Variants in DOCK1 observed in about 807,000 individuals in gnomAD.
The protein encoded by DOCK1 is dedicator of cytokinesis protein 1.
DOCK1 carries 138 observed loss-of-function variants against 262.7 expected under a neutral mutation model. The observed-to-expected ratio is 0.53, with a 90% CI of 0.46 to 0.61. The LOEUF (loss-of-function observed/expected upper bound fraction) is 0.61. Ranked by LOEUF, DOCK1 falls within the 20% of genes least tolerant of loss-of-function variation. The pLI is 0.00. For missense variants in DOCK1, 1,908 were observed against 2,370.7 expected (o/e 0.80, Z 4.05); for synonymous variants, 866 against 867.4 (o/e 1.00, Z 0.03).
At chr10:127,353,826 C>T (rs775956601) in intron 31 of DOCK1, among the ~76,000 whole-genome samples, 1 of 152,130 alleles carries the variant, frequency 6.6e-6, no homozygotes, top group Non-Finnish European at 1.5e-5. Context: ...GGCAGCTGGC[C>T]GCGGTTGTTG....
rs190756957 is a variant in DOCK1 at position 127,413,863 on chromosome 10, A to C, written c.4429-1289A>C. On this transcript the variant is annotated intron_variant, in intron 43 of 51. Transcript: ENST00000623213. ...CAGCTCCTTCCCTTTCCTCCTATGG[A>C]ACGTAAGAAGTTTGGGATAAATGCT... Among the ~76,000 whole-genome samples, 3 of 152,080 alleles carry C rather than the reference A, an allele frequency of 2.0e-5. No homozygotes were observed. The East Asian group carries it at 5.8e-4, about 29-fold the overall frequency.
At chr10:126,923,848 G>C (rs981043948) in intron 1 of DOCK1, among the ~76,000 whole-genome samples, 1 of 152,120 alleles carries the variant, frequency 6.6e-6, no homozygotes, top group Non-Finnish European at 1.5e-5. Context: ...AAGAGGCCCC[G>C]GAGAGCTTGT....
At position 127,175,487 on chromosome 10, in the gene DOCK1, A is replaced by G. The variant is rs2055008755; in HGVS notation, c.2847+47723A>G. The G allele has an allele frequency of 1.2e-6, 2 of 1,608,920 alleles. No homozygotes were observed. Among genetic ancestry groups the G allele is most frequent in the East Asian group, 4.5e-5 (2 of 44,878 alleles). ...GCATCGGGGGTGAGCAGGCCAGGGC[A>G]GTTTCCGAGGGCGCCTGGAGCCCGT... On this transcript the variant is annotated intron_variant, in intron 27 of 51. Transcript: ENST00000623213. The surrounding 1 kb of genome is among the most constrained non-coding windows in gnomAD (Gnocchi z 6.3).
At chr10:127,121,188 G>A (rs1396107417) in intron 25 of DOCK1, among the ~76,000 whole-genome samples, 1 of 150,936 alleles carries the variant, frequency 6.6e-6, no homozygotes, top group African/African-American at 2.4e-5. Flanking sequence ...GTATTCAAAA[G>A]ATGATGTGTT....
chr10:127,330,668 C>A (rs556579054), intron 29 of DOCK1, among the ~76,000 whole-genome samples: 1 of 152,336 alleles, frequency 6.6e-6, no homozygotes, highest in Non-Finnish European at 1.5e-5. Context: ...GCAGGCCAGC[C>A]ATTCCGCAGA....
At chr10:127,409,509 G>A in intron 42 of DOCK1, 118 bp downstream of exon 42, 3 of 1,060,302 alleles carry the variant, frequency 2.8e-6, no homozygotes, top group Non-Finnish European at 2.8e-6. Context: ...CTTTCCAAAT[G>A]CTCTTTCTGT....
At chr10:127,243,790 A>G (rs2059343879) in intron 27 of DOCK1, among the ~76,000 whole-genome samples, 1 of 152,090 alleles carries the variant, frequency 6.6e-6, no homozygotes, top group South Asian at 2.1e-4. Flanking sequence ...GCAGGCAGGG[A>G]GAGTTTGTCC....
chr10:126,983,920 C>G (rs1236966032), intron 4 of DOCK1, among the ~76,000 whole-genome samples: 2 of 152,208 alleles, frequency 1.3e-5, no homozygotes, highest in Non-Finnish European at 2.9e-5. Context: ...CTGGACCTCA[C>G]AGTGTCTTCT....
At chr10:127,352,512 C>CT (rs1565016929) in intron 31 of DOCK1, among the ~76,000 whole-genome samples, 2 of 152,108 alleles carry the variant, frequency 1.3e-5, no homozygotes, top group Non-Finnish European at 2.9e-5. Flanking sequence ...CATTATCATT[C>CT]TAATCATTCT....
intron 27 of DOCK1, among the ~76,000 whole-genome samples, chr10:127,207,491 T>G (rs2057778041): frequency 6.6e-6 from 1 of 152,224 alleles, no homozygotes; most frequent in Admixed American, 6.5e-5. Context: ...TTGGAAGACT[T>G]GGACGTACTC....
In DOCK1 at chr10:127,356,481, G is replaced by T. The variant is rs118033735; in HGVS notation, c.3283+1754G>T. The stretch of plus-strand genomic sequence containing the variant: ...TTTAGAACAGGGAGGAGGACCATCC[G>T]TGATTCATTCCAATTGATCTCTCTG... On this transcript the variant is annotated intron_variant, in intron 32 of 51. Transcript: ENST00000623213. Among the ~76,000 whole-genome samples the T allele has an allele frequency of 7.4e-3, 1,134 of 152,284 alleles. 6 individuals carry two copies. Among genetic ancestry groups the T allele is most frequent in the Admixed American group, 0.012 (191 of 15,288 alleles).
intron 27 of DOCK1, among the ~76,000 whole-genome samples, chr10:127,162,757 G>C (rs117262371): frequency 0.011 from 1,721 of 152,262 alleles, 17 homozygotes; most frequent in Middle Eastern, 0.017. Flanking sequence ...CCGACATAAC[G>C]AGCCGGCCTC....
chr10:127,056,958 C>G (rs2045199673), intron 22 of DOCK1, among the ~76,000 whole-genome samples: 1 of 152,190 alleles, frequency 6.6e-6, no homozygotes. Context: ...CCCTCCCCTT[C>G]TGTCCTCCCC....
At chr10:127,443,795 G>C (rs908653015) in intron 49 of DOCK1, among the ~76,000 whole-genome samples, 1 of 152,074 alleles carries the variant, frequency 6.6e-6, no homozygotes, top group African/African-American at 2.4e-5. Context: ...GGTGTCTTAT[G>C]GGGTGTTTCA....
intron 27 of DOCK1, among the ~76,000 whole-genome samples, chr10:127,159,533 A>C (rs2053402626): frequency 6.6e-6 from 1 of 152,230 alleles, no homozygotes; most frequent in South Asian, 2.1e-4. Flanking sequence ...ATACCTTTGT[A>C]AATTTATTTT....
chr10:126,961,394 C>T (rs2134540709), intron 1 of DOCK1, among the ~76,000 whole-genome samples: 1 of 152,256 alleles, frequency 6.6e-6, no homozygotes, highest in African/African-American at 2.4e-5. Context: ...TGGAGACCAG[C>T]CTGGCCAACA....
At chr10:127,270,036 G>A (rs2060504594) in intron 29 of DOCK1, among the ~76,000 whole-genome samples, 1 of 152,116 alleles carries the variant, frequency 6.6e-6, no homozygotes, top group Admixed American at 6.6e-5. Context: ...CACCCTCAGA[G>A]CCAATCATAC....
intron 27 of DOCK1, among the ~76,000 whole-genome samples, chr10:127,143,826 G>A (rs934991538): frequency 6.6e-5 from 10 of 152,146 alleles, no homozygotes; most frequent in African/African-American, 2.4e-4. Context: ...AGAAGAACCA[G>A]GACCCCAAAT....
intron 6 of DOCK1, 52 bp from the exon 7 acceptor site, chr10:126,996,696 T>C: frequency 8.0e-6 from 12 of 1,507,720 alleles, no homozygotes; most frequent in Non-Finnish European, 9.7e-6. Context: ...TGCTAGAAAA[T>C]TCAGCCTCCT....
Sources: allele counts gnomAD v4.1 joint callset (sites outside exome capture counted in the v4.1 genomes callset), GRCh38; gene constraint gnomAD v4.1.1; non-coding constraint Gnocchi (gnomAD v3.1); transcripts MANE v1.5; gene names NCBI Gene and HGNC (gene_info 2026-07-23, HGNC 2026-07-21).